Variants in MYO19 observed in about 807,000 individuals in gnomAD.
The protein encoded by MYO19 is myosin XIX.
A neutral mutation model predicts 129.2 loss-of-function variants in MYO19; 132 were observed. That is an observed-to-expected ratio of 1.02 (90% CI 0.89 to 1.18). The LOEUF is 1.18. Ranked by LOEUF, MYO19 falls within the 50% of genes most tolerant of loss-of-function variation. The probability of loss-of-function intolerance (pLI) is 0.00; values close to 1 mark genes in which losing one functional copy is unlikely to be tolerated. For synonymous variants in MYO19, 531 were observed against 477.2 expected, an observed-to-expected ratio of 1.11 and a Z score of -1.47; for missense variants, 1,210 against 1,216.7, an observed-to-expected ratio of 0.99 and a Z score of 0.08.
intron 5 of MYO19, among the ~76,000 whole-genome samples, 152 bp from the exon 6 acceptor site, chr17:36,525,493 A>C (rs550872439): frequency 6.6e-5 from 10 of 152,260 alleles, no homozygotes; most frequent in African/African-American, 2.4e-4. Context: ...GTTAGGCCCA[A>C]CTTTAGAACC....
upstream of MYO19, among the ~76,000 whole-genome samples, chr17:36,539,559 G>A (rs186558018): frequency 9.9e-5 from 15 of 152,028 alleles, no homozygotes; most frequent in East Asian, 2.9e-3. Flanking sequence ...GGATTGCTTG[G>A]GCCCAGGAGT....
intron 3 of MYO19, among the ~76,000 whole-genome samples, 191 bp downstream of exon 3, chr17:36,532,336 C>A (rs1439996353): frequency 1.3e-5 from 2 of 152,136 alleles, no homozygotes; most frequent in Non-Finnish European, 2.9e-5. Context: ...AAGAAAGGAG[C>A]TAAAAACCAC....
intron 6 of MYO19, among the ~76,000 whole-genome samples, chr17:36,519,639 C>CAAAAA (rs11431632): frequency 7.5e-6 from 1 of 133,482 alleles, no homozygotes; most frequent in Non-Finnish European, 1.6e-5. Context: ...TCTAAAGAGA[C>CAAAAA]AAAAAAAAAA....
intron 11 of MYO19, 134 bp from the exon 12 acceptor site, chr17:36,511,589 G>A (rs1199965259): frequency 2.6e-6 from 2 of 759,316 alleles, no homozygotes; most frequent in African/African-American, 1.7e-5. Flanking sequence ...GCCCATCTCT[G>A]CCAGACACAA....
intron 2 of MYO19, chr17:36,533,191 T>C (rs1490558927): frequency 6.5e-6 from 1 of 152,952 alleles, no homozygotes; most frequent in Non-Finnish European, 1.5e-5. Flanking sequence ...ATCTGCCTCA[T>C]AAGGAGTGGT....
intron 6 of MYO19, among the ~76,000 whole-genome samples, chr17:36,522,231 C>T (rs1357870430): frequency 5.3e-5 from 8 of 152,048 alleles, no homozygotes; most frequent in African/African-American, 1.2e-4. Context: ...ATGGTTTGGC[C>T]GGGCGTGGTG....
At chr17:36,509,536 G>T (rs2072168412) in intron 13 of MYO19, 1 of 219,218 alleles carries the variant, frequency 4.6e-6, no homozygotes, top group African/African-American at 2.3e-5. Flanking sequence ...AACTCTACCG[G>T]TGGAGCCCAG....
At chr17:36,529,497 G>C (rs1436079408) in intron 3 of MYO19, among the ~76,000 whole-genome samples, 3 of 152,166 alleles carry the variant, frequency 2.0e-5, no homozygotes, top group Non-Finnish European at 2.9e-5. Flanking sequence ...CAATGAGAAT[G>C]GTGAGCCTAA....
At chr17:36,518,874 T>C (rs2072972639) in intron 6 of MYO19, among the ~76,000 whole-genome samples, 1 of 152,138 alleles carries the variant, frequency 6.6e-6, no homozygotes, top group South Asian at 2.1e-4. Flanking sequence ...AGAAGTGCAT[T>C]GTTTAATTTC....
At chr17:36,511,953 G>A (rs1327243627) in intron 11 of MYO19, among the ~76,000 whole-genome samples, 1 of 152,106 alleles carries the variant, frequency 6.6e-6, no homozygotes, top group Non-Finnish European at 1.5e-5. Context: ...GTCTGTGTCC[G>A]ATGGGTGCCC....
At chr17:36,528,336 G>A (rs935375031) in intron 3 of MYO19, 134 bp from the exon 4 acceptor site, 58 of 926,216 alleles carry the variant, frequency 6.3e-5, no homozygotes, top group East Asian at 1.4e-4. Context: ...GTGAAACCCC[G>A]TCTCTACTAA....
chr17:36,495,853 A>C lies in MYO19; in HGVS notation c.*398T>G. ...GTTCCTTTTTAAAGGAAATAACCAC[A>C]AGATTTTTCCCAGCCCAAATTCCAG... On this transcript the variant is annotated 3_prime_UTR_variant, in exon 26 of 26. Transcript: ENST00000614623. 1 of 1,241,104 alleles carries C rather than the reference A, an allele frequency of 8.1e-7. No individual in the cohort carries two copies. The highest frequency in any genetic ancestry group is 1.0e-6 in the Non-Finnish European group (1 of 993,286). The allele number at this position is 1,241,104 out of a possible 1,614,324, so 76.9% of individuals were successfully genotyped here.
intron 8 of MYO19, among the ~76,000 whole-genome samples, 163 bp from the exon 9 acceptor site, chr17:36,514,711 G>A (rs1205577852): frequency 6.6e-6 from 1 of 152,194 alleles, no homozygotes; most frequent in Admixed American, 6.5e-5. Flanking sequence ...AATGTCCTTG[G>A]GTGTCCTGGA....
Position 36,532,636 on chromosome 17 carries a change from C to T in MYO19, c.-98G>A, listed in dbSNP as rs2306588. ...ACCATGGGCTGGGGTATGGTTCCAACAAAGGGCTCAGTTCTGGAGGAATCT... is the reference window on the plus strand; with the variant it reads ...ACCATGGGCTGGGGTATGGTTCCAATAAAGGGCTCAGTTCTGGAGGAATCT... On this transcript the variant is annotated 5_prime_UTR_variant, in exon 3 of 26. Coordinates refer to ENST00000614623, the MANE Select transcript of MYO19 (RefSeq NM_001163735.2). 347 of 1,407,822 alleles carry T rather than the reference C, an allele frequency of 2.5e-4. 4 individuals are homozygous for T. In the East Asian group the frequency reaches 8.6e-3, roughly 35 times the overall value. 87.2% of individuals were successfully genotyped at this position (1,407,822 alleles called of 1,614,324 possible).
At chr17:36,499,276 T>C (rs2071286333) in intron 23 of MYO19, 116 bp from the exon 24 acceptor site, 1 of 686,028 alleles carries the variant, frequency 1.5e-6, no homozygotes, top group Non-Finnish European at 2.4e-6. Context: ...GTTTTTTTTT[T>C]TTCAATAAAT....
chr17:36,511,523 G>A (rs900907365), intron 11 of MYO19, 68 bp from the exon 12 acceptor site: 23 of 1,346,228 alleles, frequency 1.7e-5, no homozygotes, highest in Middle Eastern at 1.8e-4. Context: ...GGGAAGGGCC[G>A]TTCTGCTGAG....
chr17:36,541,559 A>G (rs2074198024), intron 2 of MYO19, among the ~76,000 whole-genome samples: 1 of 152,210 alleles, frequency 6.6e-6, no homozygotes, highest in African/African-American at 2.4e-5. Context: ...AAAGAATGGT[A>G]GTTTGCTGAT....
At chr17:36,515,654 A>G (rs781564292) in intron 7 of MYO19, among the ~76,000 whole-genome samples, 1 of 152,194 alleles carries the variant, frequency 6.6e-6, no homozygotes, top group Non-Finnish European at 1.5e-5. Context: ...GGCTGGAGCG[A>G]GGAAGAGGAC....
chr17:36,529,516 AT>A (rs2073696716), intron 3 of MYO19, among the ~76,000 whole-genome samples: 1 of 152,118 alleles, frequency 6.6e-6, no homozygotes, highest in African/African-American at 2.4e-5. Context: ...AAAATTTCAA[AT>A]CTCTCATAGA....
Sources: gnomAD v4.1 joint callset for allele counts (sites outside exome capture counted in the v4.1 genomes callset) on GRCh38, gnomAD v4.1.1 for gene constraint, MANE v1.5 for transcripts, NCBI Gene and HGNC (gene_info 2026-07-23, HGNC 2026-07-21) for gene names.